LCLAT1: variants seen among roughly 807,000 people sequenced by gnomAD.
LCLAT1 encodes the protein 1-AGP acyltransferase 8.
LCLAT1 carries 11 observed loss-of-function variants against 30.7 expected under a neutral mutation model. The ratio of observed to expected loss-of-function variants is 0.36; its 90% CI spans 0.23 to 0.59. LCLAT1 has a LOEUF of 0.59. Among genes scored for constraint, LCLAT1 ranks in the 20% least tolerant of loss-of-function variants. The probability of loss-of-function intolerance (pLI) is 0.77; values close to 1 mark genes in which losing one functional copy is unlikely to be tolerated. For missense variants in LCLAT1, 402 were observed against 458.6 expected (o/e 0.88, Z 1.13); for synonymous variants, 155 against 151.3 (o/e 1.02, Z -0.18).
intron 3 of LCLAT1, among the ~76,000 whole-genome samples, chr2:30,540,130 A>G (rs1408216806): frequency 6.6e-6 from 1 of 152,206 alleles, no homozygotes; most frequent in African/African-American, 2.4e-5. Context: ...TTTCCCCAAA[A>G]CAGTCGTTAA....
intron 5 of LCLAT1, among the ~76,000 whole-genome samples, chr2:30,615,306 G>A (rs1667944594): frequency 6.6e-6 from 1 of 152,048 alleles, no homozygotes; most frequent in Non-Finnish European, 1.5e-5. Context: ...AAAAAAAGAA[G>A]GCAAAGTGTA....
intron 1 of LCLAT1, among the ~76,000 whole-genome samples, chr2:30,488,782 G>A (rs77211627): frequency 3.2e-4 from 49 of 152,292 alleles, no homozygotes; most frequent in Non-Finnish European, 5.6e-4. Flanking sequence ...TGCAAAGCTC[G>A]TATTAGGTTC....
chr2:30,547,360 C>CT (rs1386185093), intron 3 of LCLAT1, among the ~76,000 whole-genome samples: 1 of 152,210 alleles, frequency 6.6e-6, no homozygotes. Flanking sequence ...CCTTCTTCCT[C>CT]TGTGTTATTC....
rs141134164 is a variant in LCLAT1 at position 30,555,501 on chromosome 2, G to C, written c.365-6645G>C. Among the ~76,000 whole-genome samples, 1,376 of 152,210 alleles carry C rather than the reference G, an allele frequency of 9.0e-3. 20 individuals are homozygous for C. The highest frequency in any genetic ancestry group is 0.031 in the African/African-American group (1,281 of 41,540). The stretch of plus-strand genomic sequence containing the variant: ...ATACAGTAATTATTATATAATTGCT[G>C]TTGCAGTAAAATAGTATTTTTTGCA... On this transcript the variant is annotated intron_variant, in intron 3 of 5. Transcript: ENST00000379509.
At chr2:30,496,942 G>T (rs1485100395) in intron 1 of LCLAT1, among the ~76,000 whole-genome samples, 1 of 152,116 alleles carries the variant, frequency 6.6e-6, no homozygotes, top group African/African-American at 2.4e-5. Flanking sequence ...TGGCCTTTCT[G>T]GAAGAGCATA....
chr2:30,456,766 G>A (rs1156460916), intron 1 of LCLAT1, among the ~76,000 whole-genome samples: 1 of 152,150 alleles, frequency 6.6e-6, no homozygotes, highest in African/African-American at 2.4e-5. Flanking sequence ...TCCCTACCTG[G>A]TTTGCCTTAT....
rs111561296 is a variant in LCLAT1, at chr2:30,534,767, A to G, written c.364+1453A>G. Among the ~76,000 whole-genome samples the G allele has an allele frequency of 8.7e-3, 1,318 of 152,232 alleles. 9 individuals are homozygous for G. The highest frequency in any genetic ancestry group is 0.015 in the Non-Finnish European group (1,029 of 68,008). On this transcript the variant is annotated intron_variant, in intron 3 of 5. Coordinates refer to ENST00000379509, the MANE Select transcript of LCLAT1 (RefSeq NM_001002257.3). ...GAATTCAAACAGTATCACTCCTATC[A>G]TATGTTATTGGTGGAAGCAGTTACC... is the stretch of plus-strand genomic sequence containing the variant.
chr2:30,507,465 A>G (rs757629166), intron 1 of LCLAT1, among the ~76,000 whole-genome samples: 1 of 151,540 alleles, frequency 6.6e-6, no homozygotes, highest in Non-Finnish European at 1.5e-5. Flanking sequence ...TTCCTGATTG[A>G]CTCCCACCCT....
intron 5 of LCLAT1, among the ~76,000 whole-genome samples, chr2:30,583,300 C>T (rs1666285039): frequency 6.6e-6 from 1 of 152,190 alleles, no homozygotes; most frequent in African/African-American, 2.4e-5. Flanking sequence ...GTAGCAATTA[C>T]AAGTCAAATT....
At chr2:30,635,687 GA>G (rs926079881) in intron 5 of LCLAT1, among the ~76,000 whole-genome samples, 1 of 150,324 alleles carries the variant, frequency 6.7e-6, no homozygotes, top group South Asian at 2.1e-4. Flanking sequence ...AAGTTGGAAA[GA>G]AAAAAAAATA....
At chr2:30,599,640 G>T (rs1667089102) in intron 5 of LCLAT1, among the ~76,000 whole-genome samples, 1 of 152,036 alleles carries the variant, frequency 6.6e-6, no homozygotes, top group South Asian at 2.1e-4. Context: ...CTCCTGTATT[G>T]AGTGCATATA....
At chr2:30,507,179 T>C (rs1410005654) in intron 1 of LCLAT1, among the ~76,000 whole-genome samples, 5 of 152,060 alleles carry the variant, frequency 3.3e-5, no homozygotes, top group Admixed American at 6.6e-5. Flanking sequence ...GTGTTGCTTA[T>C]AGTTGTCTTG....
intron 1 of LCLAT1, among the ~76,000 whole-genome samples, chr2:30,502,035 T>C (rs1408162753): frequency 6.6e-6 from 1 of 152,216 alleles, no homozygotes; most frequent in African/African-American, 2.4e-5. Flanking sequence ...ATATTTTTTG[T>C]TAATATGTAA....
At chr2:30,456,656 G>GT (rs929739161) in intron 1 of LCLAT1, among the ~76,000 whole-genome samples, 10 of 151,918 alleles carry the variant, frequency 6.6e-5, no homozygotes, top group South Asian at 4.2e-4. Context: ...TTTGTTTTTT[G>GT]TTTTTTTGTT....
intron 5 of LCLAT1, among the ~76,000 whole-genome samples, chr2:30,569,313 A>G (rs954793512): frequency 1.3e-5 from 2 of 152,252 alleles, no homozygotes; most frequent in African/African-American, 4.8e-5. Context: ...ATAGTTCTGC[A>G]TATTTGCAAG....
intron 1 of LCLAT1, among the ~76,000 whole-genome samples, chr2:30,478,063 G>A (rs1683135107): frequency 7.0e-6 from 1 of 142,766 alleles, no homozygotes; most frequent in Non-Finnish European, 1.5e-5. Context: ...AAGTGTTAGT[G>A]AGGGATTAAA....
At chr2:30,542,133 G>A (rs771488109) in intron 3 of LCLAT1, among the ~76,000 whole-genome samples, 1 of 152,010 alleles carries the variant, frequency 6.6e-6, no homozygotes, top group African/African-American at 2.4e-5. Flanking sequence ...TTTATAGATA[G>A]GATTTTTGCA....
intron 1 of LCLAT1, among the ~76,000 whole-genome samples, chr2:30,506,659 A>G (rs1276379006): frequency 1.3e-5 from 2 of 152,150 alleles, no homozygotes; most frequent in Non-Finnish European, 2.9e-5. Context: ...TACAGTTCTC[A>G]TTGGGGGAAT....
intron 1 of LCLAT1, among the ~76,000 whole-genome samples, chr2:30,453,192 G>A (rs1159500680): frequency 2.0e-5 from 3 of 152,194 alleles, no homozygotes; most frequent in Non-Finnish European, 4.4e-5. Context: ...ATAGCATGTT[G>A]TTGAGCTGGT....
Sources: allele counts gnomAD v4.1 joint callset (sites outside exome capture counted in the v4.1 genomes callset), GRCh38; gene constraint gnomAD v4.1.1; transcripts MANE v1.5; gene names NCBI Gene and HGNC (gene_info 2026-07-23, HGNC 2026-07-21).